STK3: variants seen among roughly 807,000 people sequenced by gnomAD.
The protein encoded by STK3 is serine/threonine kinase 3, also known as serine/threonine-protein kinase 3.
In STK3, 41 loss-of-function variants were observed where a neutral mutation model predicts 58.0. The observed-to-expected ratio is 0.71, with a 90% CI of 0.55 to 0.92. The LOEUF is 0.92. STK3 is among the 40% of genes least tolerant of loss of function. The pLI is 0.00. For synonymous variants in STK3, 170 were observed against 191.0 expected (o/e 0.89, Z 0.91); for missense variants, 479 against 602.7 (o/e 0.79, Z 2.15).
intron 4 of STK3, among the ~76,000 whole-genome samples, chr8:98,708,882 A>T (rs1434050468): frequency 6.7e-6 from 1 of 150,276 alleles, no homozygotes; most frequent in Non-Finnish European, 1.5e-5. Flanking sequence ...TTTCAACCAT[A>T]CCAGAATTTA....
chr8:98,431,483 T>G (rs1203072626), intron 3 of STK3: 1 of 167,098 alleles, frequency 6.0e-6, no homozygotes, highest in East Asian at 1.9e-4. Flanking sequence ...CTGGAAGGCA[T>G]AACATTTACG....
chr8:98,509,385 C>T (rs1824331344), intron 10 of STK3, among the ~76,000 whole-genome samples: 1 of 151,930 alleles, frequency 6.6e-6, no homozygotes, highest in Non-Finnish European at 1.5e-5. Flanking sequence ...AATCTAGATT[C>T]ACAGCATTAA....
At chr8:98,887,643 C>G (rs887809221) in intron 1 of STK3, among the ~76,000 whole-genome samples, 1 of 152,094 alleles carries the variant, frequency 6.6e-6, no homozygotes, top group African/African-American at 2.4e-5. Flanking sequence ...ACCCCCACCC[C>G]AGTATGAGAC....
chr8:98,691,546 A>T (rs1036950673), intron 6 of STK3, among the ~76,000 whole-genome samples: 20 of 152,160 alleles, frequency 1.3e-4, no homozygotes, highest in Non-Finnish European at 2.8e-4. Flanking sequence ...AACAGGCAGT[A>T]AAAAGTTAAA....
In STK3 at chr8:98,928,581, G is replaced by A. The variant is rs374777241; in HGVS notation, c.-79+13797C>T. The stretch of plus-strand genomic sequence containing the variant: ...CCTTTCTAGGTTCCTGCACTGCAGA[G>A]CAGTGAGCCTTTGTGTGGCTTGGCC... On this transcript the variant is annotated intron_variant, in intron 1 of 1. Coordinates refer to the STK3 transcript ENST00000519420. Among the ~76,000 whole-genome samples the A allele has an allele frequency of 8.0e-4, 122 of 152,330 alleles. No homozygotes were observed. In the South Asian group the frequency reaches 0.024, roughly 31 times the overall value.
At chr8:98,366,887 C>T (rs1817570277), downstream of STK3, among the ~76,000 whole-genome samples, 2 of 152,246 alleles carry the variant, frequency 1.3e-5, no homozygotes, top group Non-Finnish European at 2.9e-5. Flanking sequence ...GTATGCTAGG[C>T]AGCATGCCAA....
At chr8:98,777,556 T>C (rs751696554) in intron 1 of STK3, among the ~76,000 whole-genome samples, 2 of 152,110 alleles carry the variant, frequency 1.3e-5, no homozygotes, top group Non-Finnish European at 2.9e-5. Flanking sequence ...ATCAAGGTTA[T>C]GGTAGTAGTA....
intron 1 of STK3, chr8:98,889,649 G>T (rs1838123790): frequency 6.6e-6 from 1 of 152,026 alleles, no homozygotes; most frequent in African/African-American, 2.4e-5. Flanking sequence ...ATGGAACAAG[G>T]GTCCAATGTT....
At chr8:98,624,821 T>C (rs1046804897) in intron 6 of STK3, among the ~76,000 whole-genome samples, 1 of 151,394 alleles carries the variant, frequency 6.6e-6, no homozygotes, top group African/African-American at 2.4e-5. Flanking sequence ...GCCACTGCAC[T>C]CAAGCCTGGG....
chr8:98,799,987 A>G (rs1436831012), intron 1 of STK3, among the ~76,000 whole-genome samples: 1 of 152,148 alleles, frequency 6.6e-6, no homozygotes, highest in African/African-American at 2.4e-5. Flanking sequence ...TCAGCCAGGG[A>G]TAGTACAAGA....
Position 98,614,831 on chromosome 8 carries a change from G to T in STK3, c.685-18662C>A, listed in dbSNP as rs533371168. Among the ~76,000 whole-genome samples, 119 of 152,262 alleles carry T rather than the reference G, an allele frequency of 7.8e-4. 1 individual carries two copies. The highest frequency in any genetic ancestry group is 2.8e-3 in the African/African-American group (118 of 41,542). On this transcript the variant is annotated intron_variant, in intron 6 of 10. Transcript: ENST00000419617. ...CTACACCCACAGAATCTCGCTGATT[G>T]CTAGCACAAAGCAGTCTGAGATCAA...
the STK3 span, among the ~76,000 whole-genome samples, chr8:98,354,162 G>A: frequency 6.6e-6 from 1 of 152,200 alleles, no homozygotes; most frequent in African/African-American, 2.4e-5. Flanking sequence ...TTACTTTCAA[G>A]ATAAACTTTC....
chr8:98,465,612 T>C (rs780446817), intron 10 of STK3, among the ~76,000 whole-genome samples: 7 of 152,188 alleles, frequency 4.6e-5, no homozygotes, highest in Non-Finnish European at 8.8e-5. Context: ...ATAGATTTCC[T>C]AATGTTATCA....
At chr8:98,549,909 A>C (rs1811024302) in intron 8 of STK3, among the ~76,000 whole-genome samples, 1 of 152,130 alleles carries the variant, frequency 6.6e-6, no homozygotes, top group Non-Finnish European at 1.5e-5. Context: ...TGATGGGCTG[A>C]GGCTGGAAGA....
rs534816013 is a variant in STK3, at chr8:98,548,712, C to T, written c.949-551G>A. Among the ~76,000 whole-genome samples, 4 of 152,228 alleles carry T rather than the reference C, an allele frequency of 2.6e-5. No individual in the cohort carries two copies. In the East Asian group the frequency reaches 5.8e-4, roughly 22 times the overall value. On this transcript the variant is annotated intron_variant, in intron 8 of 10. Transcript: ENST00000419617. ...CCACCACCATTATATGTTTACAGAA[C>T]TCTTCATTCCCCCTTTCCCCAGCCC...
At chr8:98,365,331 T>C in the STK3 span, among the ~76,000 whole-genome samples, 1 of 152,160 alleles carries the variant, frequency 6.6e-6, no homozygotes, top group Admixed American at 6.5e-5. Flanking sequence ...AGACACTGTC[T>C]CAGAGACAAG....
downstream of STK3, chr8:98,882,244 T>C (rs1416784829): frequency 6.6e-6 from 1 of 152,168 alleles, no homozygotes; most frequent in Non-Finnish European, 1.5e-5. Flanking sequence ...CTTTCCTTTT[T>C]AAAATTTTTT....
rs1275336080 is a variant in STK3, at chr8:98,428,071, G to A, written n.483+6056C>T. On this transcript the variant is annotated intron_variant and non_coding_transcript_variant, in intron 3 of 3. Transcript: ENST00000517832. This position sits in a 1 kb window ranked among gnomAD's most constrained non-coding sequence, Gnocchi z 6.7. ...GTGGGCGGCTTCAAGAGGAGGCTGC[G>A]CTCGCACACGCTGCTGCGCTTCCCC... 1.2e-6 allele frequency: 2 copies of A among 1,613,426 alleles called. No homozygotes were observed. The highest frequency in any genetic ancestry group is 2.2e-5 in the East Asian group (1 of 44,844).
At chr8:98,940,176 C>T (rs1191885733) in intron 1 of STK3, among the ~76,000 whole-genome samples, 2 of 152,134 alleles carry the variant, frequency 1.3e-5, no homozygotes, top group South Asian at 2.1e-4. Flanking sequence ...GAGCCCGAGC[C>T]GTATCCAGCT....
Sources: gnomAD v4.1 joint callset for allele counts (sites outside exome capture counted in the v4.1 genomes callset) on GRCh38, gnomAD v4.1.1 for gene constraint, Gnocchi (gnomAD v3.1) non-coding constraint, MANE v1.5 for transcripts, NCBI Gene and HGNC (gene_info 2026-07-23, HGNC 2026-07-21) for gene names.